Variants in EPHA5 observed in about 807,000 individuals in gnomAD.
EPHA5 encodes EPH receptor A5, also known as ephrin type-A receptor 5.
EPHA5 carries 60 observed loss-of-function variants against 105.0 expected under a neutral mutation model. The ratio of observed to expected loss-of-function variants is 0.57; its 90% CI spans 0.46 to 0.71. The LOEUF is 0.71. EPHA5 is among the 30% of genes least tolerant of loss of function. The pLI is 0.00. For synonymous variants in EPHA5, 513 were observed against 449.1 expected, an observed-to-expected ratio of 1.14 and a Z score of -1.80; for missense variants, 1,218 against 1,274.7, an observed-to-expected ratio of 0.96 and a Z score of 0.68.
intron 11 of EPHA5, among the ~76,000 whole-genome samples, chr4:65,363,248 C>T (rs150390692): frequency 1.3e-3 from 191 of 151,666 alleles, no homozygotes; most frequent in African/African-American, 4.2e-3. Flanking sequence ...TACTTTGTGC[C>T]TTGCCCATTC....
intron 5 of EPHA5, among the ~76,000 whole-genome samples, chr4:65,457,948 C>A (rs777019226): frequency 9.2e-4 from 140 of 151,994 alleles, no homozygotes; most frequent in South Asian, 2.3e-3. Context: ...GTGACTGGCG[C>A]CTGTAGTTCC....
intron 2 of EPHA5, among the ~76,000 whole-genome samples, chr4:65,616,670 C>T (rs889834401): frequency 6.6e-6 from 1 of 151,956 alleles, no homozygotes; most frequent in African/African-American, 2.4e-5. Flanking sequence ...CCGAGGCAGA[C>T]TAATGAATGG....
At chr4:65,651,374 G>C (rs961845727) in intron 1 of EPHA5, among the ~76,000 whole-genome samples, 6 of 152,166 alleles carry the variant, frequency 3.9e-5, no homozygotes, top group Admixed American at 2.6e-4. Context: ...GTTATTTGAA[G>C]AGGAAGACAT....
rs200131228 is a variant in EPHA5 at position 65,573,582 on chromosome 4, C to T, written c.910+28059G>A. The T allele has an allele frequency of 2.2e-4, 349 of 1,598,532 alleles. 4 individuals are homozygous for T. In the South Asian group the frequency reaches 3.6e-3, roughly 17 times the overall value. On this transcript the variant is annotated intron_variant, in intron 3 of 16. Coordinates refer to ENST00000613740, the MANE Select transcript of EPHA5 (RefSeq NM_001281766.3). ...AGCTAAAAAGCCCAAGAAGGGGAAGCCCCGTTGCAGCCGCAACCCTGTCCT... is the reference window on the plus strand; with the variant it reads ...AGCTAAAAAGCCCAAGAAGGGGAAGTCCCGTTGCAGCCGCAACCCTGTCCT...
chr4:65,334,449 G>A (rs1720975162), intron 15 of EPHA5, among the ~76,000 whole-genome samples: 2 of 151,858 alleles, frequency 1.3e-5, no homozygotes, highest in African/African-American at 4.8e-5. Flanking sequence ...GAAAGCACAA[G>A]GTCGATTTGA....
chr4:65,375,196 T>C (rs1248643584), intron 8 of EPHA5, among the ~76,000 whole-genome samples: 1 of 151,918 alleles, frequency 6.6e-6, no homozygotes, highest in African/African-American at 2.4e-5. Flanking sequence ...AGAATATATT[T>C]TTTAATATTT....
chr4:65,343,307 G>T (rs1721913235), intron 14 of EPHA5, among the ~76,000 whole-genome samples: 1 of 152,008 alleles, frequency 6.6e-6, no homozygotes, highest in South Asian at 2.1e-4. Context: ...CTCCTTAGTT[G>T]TTCTAGTTTA....
At chr4:65,660,146 A>T (rs1006718072) in intron 1 of EPHA5, among the ~76,000 whole-genome samples, 5 of 152,102 alleles carry the variant, frequency 3.3e-5, no homozygotes, top group Admixed American at 3.3e-4. Context: ...ATTTGAACAT[A>T]TTTCTTGATA....
intron 12 of EPHA5, among the ~76,000 whole-genome samples, chr4:65,352,738 C>T (rs78486876): frequency 6.6e-6 from 1 of 151,132 alleles, no homozygotes; most frequent in African/African-American, 2.4e-5. Flanking sequence ...TTTTACATTT[C>T]TTTTTTAAAA....
chr4:65,560,361 A>G (rs1425896711), intron 3 of EPHA5, among the ~76,000 whole-genome samples: 1 of 152,108 alleles, frequency 6.6e-6, no homozygotes, highest in Non-Finnish European at 1.5e-5. Flanking sequence ...CCTAGACAAA[A>G]GAATGCATAG....
intron 3 of EPHA5, among the ~76,000 whole-genome samples, chr4:65,551,106 A>G (rs1160217736): frequency 6.6e-6 from 1 of 151,788 alleles, no homozygotes. Flanking sequence ...ATGTGTATAT[A>G]TGAAATATAT....
At chr4:65,619,500 T>C (rs368285767) in intron 2 of EPHA5, among the ~76,000 whole-genome samples, 14 of 152,284 alleles carry the variant, frequency 9.2e-5, no homozygotes, top group African/African-American at 3.4e-4. Context: ...ATAAGGAATA[T>C]ATAACTACAA....
intron 3 of EPHA5, among the ~76,000 whole-genome samples, chr4:65,531,401 A>G (rs1231586326): frequency 6.6e-6 from 1 of 152,208 alleles, no homozygotes; most frequent in Non-Finnish European, 1.5e-5. Flanking sequence ...TTGGTGATCC[A>G]GAAGTCATGC....
At chr4:65,619,572 T>A (rs1032789544) in intron 2 of EPHA5, among the ~76,000 whole-genome samples, 1 of 152,136 alleles carries the variant, frequency 6.6e-6, no homozygotes, top group South Asian at 2.1e-4. Context: ...TAAAAAAGTA[T>A]CACTAAATGA....
intron 5 of EPHA5, among the ~76,000 whole-genome samples, chr4:65,438,311 A>G (rs542687282): frequency 6.6e-6 from 1 of 151,990 alleles, no homozygotes; most frequent in South Asian, 2.1e-4. Context: ...ATTTCTCCCA[A>G]TGTGAATTCC....
rs145994427 is a variant in EPHA5, at chr4:65,490,441, T to G, written c.1338A>C (p.Gly446=). The G allele has an allele frequency of 6.8e-5, 109 of 1,614,108 alleles. 1 individual carries two copies. In the African/African-American group the frequency reaches 1.2e-3, roughly 18 times the overall value. ...NYTFEIEAVN[G]VSDLSPGARQ... is the part of the protein sequence containing the mutation. ...GGGCTCCTGGGCTCAAGTCGGACAC[T>G]CCATTCACTGCCTCAATCTCAAAGG... The change falls in exon 5 of 17, where the codon GGA becomes GGC. Residue 446 remains glycine (G), a synonymous_variant. Coordinates refer to ENST00000613740, the MANE Select transcript of EPHA5 (RefSeq NM_001281766.3).
At chr4:65,340,735 C>T (rs141186552) in intron 14 of EPHA5, among the ~76,000 whole-genome samples, 2 of 152,214 alleles carry the variant, frequency 1.3e-5, no homozygotes, top group South Asian at 2.1e-4. Context: ...TGAACCTATG[C>T]GAAGTAAGTG....
chr4:65,378,681 C>A (rs1481246446), intron 8 of EPHA5, among the ~76,000 whole-genome samples: 4 of 151,894 alleles, frequency 2.6e-5, no homozygotes, highest in Non-Finnish European at 5.9e-5. Context: ...CTTATAAAGC[C>A]TAAATCAAAT....
At chr4:65,558,644 T>G (rs575854570) in intron 3 of EPHA5, among the ~76,000 whole-genome samples, 1 of 152,150 alleles carries the variant, frequency 6.6e-6, no homozygotes. Context: ...CTGCACCCAT[T>G]AACTCGTCAT....
Sources: gnomAD v4.1 joint callset for allele counts (sites outside exome capture counted in the v4.1 genomes callset) on GRCh38, gnomAD v4.1.1 for gene constraint, MANE v1.5 for transcripts, NCBI Gene and HGNC (gene_info 2026-07-23, HGNC 2026-07-21) for gene names.